Variants in CDH4 observed in about 807,000 individuals in gnomAD.
CDH4 encodes the protein cadherin 4.
Under a neutral mutation model 86.0 loss-of-function variants are expected in CDH4, and 33 were observed. The observed-to-expected ratio is 0.38, with a 90% CI of 0.29 to 0.51. The LOEUF (loss-of-function observed/expected upper bound fraction) is 0.51. Among genes scored for constraint, CDH4 ranks in the 20% least tolerant of loss-of-function variants. The pLI is 0.86. For missense variants in CDH4, 1,114 were observed against 1,307.4 expected, an observed-to-expected ratio of 0.85 and a Z score of 2.28; for synonymous variants, 555 against 549.4, an observed-to-expected ratio of 1.01 and a Z score of -0.14.
At chr20:61,738,355 C>G (rs1045342411) in intron 2 of CDH4, 1 of 152,124 alleles carries the variant, frequency 6.6e-6, no homozygotes, top group Admixed American at 6.5e-5. Context: ...CCGTGTCGGC[C>G]GAGGATGGAA....
chr20:61,776,814 G>A (rs1157051867), intron 4 of CDH4, among the ~76,000 whole-genome samples: 1 of 152,228 alleles, frequency 6.6e-6, no homozygotes, highest in African/African-American at 2.4e-5. Context: ...CGTCAATCGT[G>A]CCTACATGCC....
intron 2 of CDH4, among the ~76,000 whole-genome samples, chr20:61,562,024 AGGGG>A (rs2086220214): frequency 7.1e-6 from 1 of 141,800 alleles, no homozygotes; most frequent in African/African-American, 2.6e-5. Context: ...GGAGAGAGAG[AGGGG>A]CCTTCGTGTG....
chr20:61,562,533 G>A (rs189017271), intron 2 of CDH4, among the ~76,000 whole-genome samples: 3 of 152,298 alleles, frequency 2.0e-5, no homozygotes, highest in African/African-American at 7.2e-5. Flanking sequence ...GGATTGGTCC[G>A]AACCCACCTT....
chr20:61,256,436 C>T (rs965343781), intron 2 of CDH4, among the ~76,000 whole-genome samples: 1 of 152,214 alleles, frequency 6.6e-6, no homozygotes, highest in Non-Finnish European at 1.5e-5. Context: ...ATGCTTTCTA[C>T]AACGCAGCGT....
chr20:61,620,561 A>G (rs1022028997), intron 2 of CDH4, among the ~76,000 whole-genome samples: 1 of 152,104 alleles, frequency 6.6e-6, no homozygotes, highest in African/African-American at 2.4e-5. Context: ...ATACATGGAG[A>G]AATAAAGAGG....
chr20:61,873,772 A>G lies in CDH4; in HGVS notation c.922A>G (p.Thr308Ala). The G allele has an allele frequency of 6.2e-7, 1 of 1,613,966 alleles. No individual in the cohort carries two copies. Among genetic ancestry groups the G allele is most frequent in the Non-Finnish European group, 8.5e-7 (1 of 1,180,036 alleles). ...CACGGCCAACGATGCTGACGACAGC[A>G]CCACGGCCAACGGGATGGTGCGGTA... ...TVTANDADDS[T>A]TANGMVRYRI... is the part of the protein sequence containing the mutation. Residue 308 changes from threonine (T) to alanine (A), a missense_variant, in exon 7 of 16, where the codon ACC (threonine) becomes GCC (alanine). Physicochemically the swap from Thr to Ala is moderately conservative, Grantham distance 58 (BLOSUM62 0). Transcript: ENST00000614565.
chr20:61,388,769 T>A (rs974347919), intron 2 of CDH4, among the ~76,000 whole-genome samples: 1 of 152,256 alleles, frequency 6.6e-6, no homozygotes, highest in Non-Finnish European at 1.5e-5. Context: ...TGAGTTACAT[T>A]TTTATCGTGT....
intron 9 of CDH4, among the ~76,000 whole-genome samples, chr20:61,921,148 A>ACAG (rs1214882377): frequency 7.6e-6 from 1 of 131,948 alleles, no homozygotes; most frequent in African/African-American, 3.0e-5. Flanking sequence ...GCGTGGTGTC[A>ACAG]TGATTGCATG....
In CDH4 at chr20:61,924,150, G is replaced by C. The variant is rs188148776; in HGVS notation, c.1629-184G>C. ...GTGGCCTGTCCTGTTGTGGGGCCGG[G>C]GGGGAGGGTGCCAGTCCAACGTGGA... is the stretch of plus-strand genomic sequence containing the variant. On this transcript the variant is annotated intron_variant, in intron 10 of 15. Transcript: ENST00000614565. Among the ~76,000 whole-genome samples the C allele has an allele frequency of 3.4e-3, 518 of 152,348 alleles. 2 individuals carry two copies. The highest frequency in any genetic ancestry group is 0.012 in the South Asian group (57 of 4,826).
At chr20:61,589,957 G>A (rs551672013) in intron 2 of CDH4, among the ~76,000 whole-genome samples, 6 of 152,098 alleles carry the variant, frequency 3.9e-5, no homozygotes, top group Non-Finnish European at 8.8e-5. Context: ...GGGGCGGCCA[G>A]GAGGCCAGGG....
intron 4 of CDH4, among the ~76,000 whole-genome samples, chr20:61,802,558 A>G (rs1449437737): frequency 6.6e-6 from 1 of 152,230 alleles, no homozygotes; most frequent in Non-Finnish European, 1.5e-5. Flanking sequence ...GGGAAAAAAA[A>G]AACAACTGTC....
At chr20:61,825,563 C>T (rs1030270793) in intron 4 of CDH4, among the ~76,000 whole-genome samples, 10 of 152,124 alleles carry the variant, frequency 6.6e-5, no homozygotes, top group African/African-American at 2.4e-4. Flanking sequence ...TAATACTCAC[C>T]CAAACTTTGG....
chr20:61,507,296 T>C (rs551246710), intron 2 of CDH4, among the ~76,000 whole-genome samples: 4 of 152,206 alleles, frequency 2.6e-5, no homozygotes, highest in Admixed American at 6.5e-5. Flanking sequence ...TTGATTATAA[T>C]AACCGTCTTC....
At chr20:61,543,292 C>T (rs1161603488) in intron 2 of CDH4, among the ~76,000 whole-genome samples, 2 of 152,226 alleles carry the variant, frequency 1.3e-5, no homozygotes, top group Non-Finnish European at 2.9e-5. Context: ...GTCACAGGCC[C>T]TCTGCAATGT....
rs534003286 is a variant in CDH4, at chr20:61,392,418, G to T, written c.169+137481G>T. Among the ~76,000 whole-genome samples, 2 of 152,130 alleles carry T rather than the reference G, an allele frequency of 1.3e-5. No homozygotes were observed. The highest frequency in any genetic ancestry group is 1.5e-5 in the Non-Finnish European group (1 of 68,016). On this transcript the variant is annotated intron_variant, in intron 2 of 15. Transcript: ENST00000614565. The surrounding 1 kb of genome is among the most constrained non-coding windows in gnomAD (Gnocchi z 5.7). ...GGGATGGAACGCACGGCGCCCCGAC[G>T]TGATTTTCCAGAGAACTGAGTTCCT...
At chr20:61,865,076 C>G (rs1027867628) in intron 6 of CDH4, among the ~76,000 whole-genome samples, 6 of 152,152 alleles carry the variant, frequency 3.9e-5, no homozygotes, top group Non-Finnish European at 8.8e-5. Flanking sequence ...ATGCCCCGAC[C>G]CCTGCCTGGC....
intron 4 of CDH4, among the ~76,000 whole-genome samples, chr20:61,780,187 G>C (rs1378082499): frequency 6.6e-6 from 1 of 152,060 alleles, no homozygotes; most frequent in Non-Finnish European, 1.5e-5. Context: ...GTGGCTCGTA[G>C]CTTCCAGACT....
chr20:61,484,191 A>T (rs2085583605), intron 2 of CDH4, among the ~76,000 whole-genome samples: 1 of 152,022 alleles, frequency 6.6e-6, no homozygotes, highest in South Asian at 2.1e-4. Flanking sequence ...CACTTACCAC[A>T]TAATATTTTC....
chr20:61,448,834 G>A (rs141798198), intron 2 of CDH4, among the ~76,000 whole-genome samples: 116 of 152,040 alleles, frequency 7.6e-4, no homozygotes, highest in African/African-American at 2.7e-3. Flanking sequence ...CTTTTTTTAG[G>A]CCAAACTTCG....
Sources: allele counts gnomAD v4.1 joint callset (sites outside exome capture counted in the v4.1 genomes callset), GRCh38; gene constraint gnomAD v4.1.1; non-coding constraint Gnocchi (gnomAD v3.1); transcripts MANE v1.5; gene names NCBI Gene and HGNC (gene_info 2026-07-23, HGNC 2026-07-21).